C10orf67: variants seen among roughly 807,000 people sequenced by gnomAD.
C10orf67 encodes the protein uncharacterized protein C10orf67, mitochondrial.
C10orf67 carries 60 observed loss-of-function variants against 35.6 expected under a neutral mutation model. The ratio of observed to expected loss-of-function variants is 1.68; its 90% confidence interval spans 1.37 to 2.09. The LOEUF (loss-of-function observed/expected upper bound fraction) is 2.09. C10orf67 is among the 30% of genes most tolerant of loss of function. The pLI is 0.00. For missense variants in C10orf67, 474 were observed against 330.2 expected (o/e 1.44, Z -3.38); for synonymous variants, 167 against 115.8 (o/e 1.44, Z -2.84).
intron 12 of C10orf67, among the ~76,000 whole-genome samples, chr10:23,249,750 C>CT (rs1842402538): frequency 6.6e-6 from 1 of 152,180 alleles, no homozygotes; most frequent in Non-Finnish European, 1.5e-5. Context: ...ATCAGACCAA[C>CT]ATTAAACCCA....
intron 12 of C10orf67, 34 bp from the exon 13 acceptor site, chr10:23,239,850 A>G: frequency 1.7e-6 from 1 of 595,978 alleles, no homozygotes. Context: ...CTTAAAATGT[A>G]TGTAAATCAT....
intron 10 of C10orf67, among the ~76,000 whole-genome samples, chr10:23,263,346 C>G (rs1433151934): frequency 2.0e-5 from 3 of 152,070 alleles, no homozygotes; most frequent in Non-Finnish European, 4.4e-5. Flanking sequence ...AACCATCTAG[C>G]CTATAATATT....
chr10:23,259,420 G>T (rs541783463), intron 10 of C10orf67, among the ~76,000 whole-genome samples: 1 of 152,260 alleles, frequency 6.6e-6, no homozygotes, highest in African/African-American at 2.4e-5. Context: ...TAGAAGACTA[G>T]ATTGAGTTAG....
intron 10 of C10orf67, among the ~76,000 whole-genome samples, chr10:23,254,510 G>A (rs1337907598): frequency 6.6e-6 from 1 of 152,058 alleles, no homozygotes; most frequent in Admixed American, 6.6e-5. Flanking sequence ...ACTACTGGCT[G>A]TGATTTAAAA....
intron 4 of C10orf67, among the ~76,000 whole-genome samples, chr10:23,314,376 C>A (rs1200239071): frequency 6.6e-6 from 1 of 151,888 alleles, no homozygotes; most frequent in Non-Finnish European, 1.5e-5. Context: ...AATCCCAGCA[C>A]CTTGGGAGGC....
chr10:23,314,838 T>C (rs1382206988), intron 4 of C10orf67, among the ~76,000 whole-genome samples: 1 of 152,218 alleles, frequency 6.6e-6, no homozygotes, highest in Admixed American at 6.5e-5. Context: ...TACCCTTTTA[T>C]GTAACATAAT....
At chr10:23,322,280 C>A (rs1689174084) in intron 3 of C10orf67, 114 bp downstream of exon 3, 1 of 1,123,528 alleles carries the variant, frequency 8.9e-7, no homozygotes, top group Non-Finnish European at 1.3e-6. Context: ...ACATGAGACA[C>A]AACTAATGCA....
At chr10:23,320,314 T>G (rs1844894649) in intron 4 of C10orf67, among the ~76,000 whole-genome samples, 2 of 152,152 alleles carry the variant, frequency 1.3e-5, no homozygotes, top group South Asian at 4.1e-4. Context: ...AAGGCAGGAA[T>G]TTTCCCATTG....
chr10:23,278,812 T>C (rs1049901585), intron 8 of C10orf67, among the ~76,000 whole-genome samples: 5 of 152,030 alleles, frequency 3.3e-5, no homozygotes, highest in African/African-American at 7.2e-5. Context: ...ATCTCCTGAG[T>C]GTAAAGAGAG....
intron 1 of C10orf67, 147 bp downstream of exon 1, chr10:23,344,422 A>G (rs929477872): frequency 1.4e-5 from 11 of 804,998 alleles, no homozygotes; most frequent in Non-Finnish European, 2.2e-5. Flanking sequence ...GCCTGCCTCA[A>G]GGCTTCCCCA....
At chr10:23,206,447 T>C (rs1841161061) in intron 15 of C10orf67, among the ~76,000 whole-genome samples, 1 of 152,244 alleles carries the variant, frequency 6.6e-6, no homozygotes. Flanking sequence ...CATGTATATA[T>C]GTATATGCAT....
chr10:23,221,263 C>A (rs2132102946), intron 15 of C10orf67, among the ~76,000 whole-genome samples: 1 of 152,200 alleles, frequency 6.6e-6, no homozygotes, highest in South Asian at 2.1e-4. Flanking sequence ...GTGCCACACA[C>A]TTTTAAACCA....
At chr10:23,228,390 T>C (rs940754887) in intron 13 of C10orf67, among the ~76,000 whole-genome samples, 2 of 152,132 alleles carry the variant, frequency 1.3e-5, no homozygotes, top group African/African-American at 4.8e-5. Context: ...TAGCCATATA[T>C]AGAAAGCTGA....
chr10:23,240,206 C>CCA (rs149959399), intron 12 of C10orf67, among the ~76,000 whole-genome samples: 26 of 151,002 alleles, frequency 1.7e-4, no homozygotes, highest in Non-Finnish European at 2.8e-4. Flanking sequence ...AAACCAAAAA[C>CCA]CACACACACA....
At chr10:23,262,952 T>C (rs1260442118) in intron 10 of C10orf67, among the ~76,000 whole-genome samples, 1 of 152,222 alleles carries the variant, frequency 6.6e-6, no homozygotes, top group East Asian at 1.9e-4. Flanking sequence ...TTTAGGGTTA[T>C]CCATATTATA....
chr10:23,344,008 C>T (rs751733876), intron 1 of C10orf67: 1 of 428,768 alleles, frequency 2.3e-6, no homozygotes, highest in South Asian at 1.7e-5. Flanking sequence ...CATTGCAGCC[C>T]CGGACGTGCG....
rs1161175325 is a variant in C10orf67, at chr10:23,203,505, C to G, written c.*668G>C. On this transcript the variant is annotated 3_prime_UTR_variant, in exon 16 of 16. Coordinates refer to ENST00000636213, the MANE Select transcript of C10orf67 (RefSeq NM_001371909.1). Reference sequence around the variant, plus strand: ...CTTGTAGTTAGGGGAATAGAAAGAACCAAGTTGGACATTACGCATGGAAGA... The same window carrying G: ...CTTGTAGTTAGGGGAATAGAAAGAAGCAAGTTGGACATTACGCATGGAAGA... 2.0e-5 allele frequency: 3 copies of G among 152,154 alleles called. No homozygotes were observed. Among genetic ancestry groups the G allele is most frequent in the Non-Finnish European group, 2.9e-5 (2 of 68,020 alleles). 9.4% of individuals were successfully genotyped at this position (152,154 alleles called of 1,614,324 possible).
At chr10:23,342,653 T>C (rs1168599108) in intron 1 of C10orf67, among the ~76,000 whole-genome samples, 1 of 152,138 alleles carries the variant, frequency 6.6e-6, no homozygotes, top group Non-Finnish European at 1.5e-5. Context: ...TAGAACAGGG[T>C]AGACGCTGTG....
At chr10:23,343,988 CCCAG>C (rs953800167) in intron 1 of C10orf67, 4 of 449,478 alleles carry the variant, frequency 8.9e-6, no homozygotes, top group African/African-American at 8.3e-5. Context: ...GGCGAGTCGC[CCCAG>C]TTCGCCATTG....
Sources: gnomAD v4.1 joint callset for allele counts (sites outside exome capture counted in the v4.1 genomes callset) on GRCh38, gnomAD v4.1.1 for gene constraint, MANE v1.5 for transcripts, NCBI Gene and HGNC (gene_info 2026-07-23, HGNC 2026-07-21) for gene names.